The following C1QTNF3 variants were observed in gnomAD, a reference collection of about 807,000 sequenced individuals.
C1QTNF3 encodes complement C1q tumor necrosis factor-related protein 3.
Under a neutral mutation model 32.6 loss-of-function variants are expected in C1QTNF3, and 26 were observed. The ratio of observed to expected loss-of-function variants is 0.80; its 90% CI spans 0.58 to 1.11. The LOEUF is 1.11. C1QTNF3 is among the 50% of genes least tolerant of loss of function. The probability of loss-of-function intolerance (pLI) is 0.00; values close to 1 mark genes in which losing one functional copy is unlikely to be tolerated. For synonymous variants in C1QTNF3, 155 were observed against 146.0 expected, an observed-to-expected ratio of 1.06 and a Z score of -0.44; for missense variants, 362 against 398.2, an observed-to-expected ratio of 0.91 and a Z score of 0.77.
the C1QTNF3 span, among the ~76,000 whole-genome samples, chr5:34,208,020 G>A: frequency 6.6e-6 from 1 of 152,136 alleles, no homozygotes; most frequent in Non-Finnish European, 1.5e-5. Context: ...TCAATCACCT[G>A]ACCTCGTGAT....
chr5:34,048,990 A>T, the C1QTNF3 span, among the ~76,000 whole-genome samples: 4 of 152,286 alleles, frequency 2.6e-5, no homozygotes, highest in South Asian at 8.3e-4. Context: ...GATCACTTCC[A>T]TCTTTCCTAA....
intron 1 of C1QTNF3, among the ~76,000 whole-genome samples, chr5:34,036,883 C>T (rs548387075): frequency 3.9e-5 from 6 of 151,936 alleles, no homozygotes; most frequent in East Asian, 1.9e-4. Context: ...ACCCAGGAGG[C>T]GGAGGTTGCA....
the C1QTNF3 span, among the ~76,000 whole-genome samples, chr5:34,066,924 C>T: frequency 6.6e-6 from 1 of 152,104 alleles, no homozygotes; most frequent in Non-Finnish European, 1.5e-5. Flanking sequence ...CCTTATAAAA[C>T]TGAATGCTTT....
chr5:34,063,361 GTCTC>G, the C1QTNF3 span, among the ~76,000 whole-genome samples: 1 of 147,982 alleles, frequency 6.8e-6, no homozygotes, highest in Non-Finnish European at 1.5e-5. Flanking sequence ...CTCTGTCTCT[GTCTC>G]TCTCCTCTCT....
chr5:34,221,031 T>C, the C1QTNF3 span, among the ~76,000 whole-genome samples: 62 of 152,122 alleles, frequency 4.1e-4, no homozygotes, highest in Non-Finnish European at 8.1e-4. Flanking sequence ...CTTTGTAATA[T>C]TGCTCCTAGC....
chr5:34,044,715 A>ATGTG (rs112560789), upstream of C1QTNF3, among the ~76,000 whole-genome samples: 818 of 152,300 alleles, frequency 5.4e-3, 12 homozygotes, highest in African/African-American at 0.019. Flanking sequence ...TCCAGGCCAC[A>ATGTG]GTTCAGGGGC....
At chr5:34,049,229 T>C in the C1QTNF3 span, among the ~76,000 whole-genome samples, 5 of 152,178 alleles carry the variant, frequency 3.3e-5, no homozygotes, top group Admixed American at 6.5e-5. Context: ...CATTGTACCC[T>C]GGCAAAGGTA....
chr5:34,162,576 A>G, the C1QTNF3 span, among the ~76,000 whole-genome samples: 29 of 152,242 alleles, frequency 1.9e-4, no homozygotes, highest in Non-Finnish European at 3.4e-4. Context: ...TGAGATTTTA[A>G]ATGTATAGAA....
chr5:34,170,199 C>T, the C1QTNF3 span, among the ~76,000 whole-genome samples: 2 of 152,238 alleles, frequency 1.3e-5, no homozygotes, highest in Non-Finnish European at 2.9e-5. Context: ...ACAAATACTA[C>T]AGAATTCCAC....
chr5:34,238,355 G>C, the C1QTNF3 span, among the ~76,000 whole-genome samples: 85 of 152,282 alleles, frequency 5.6e-4, no homozygotes, highest in African/African-American at 1.9e-3. Context: ...ACATTAAGGA[G>C]AAAGTTGAAA....
the C1QTNF3 span, among the ~76,000 whole-genome samples, chr5:34,137,142 ATAATT>A: frequency 9.4e-6 from 1 of 106,056 alleles, no homozygotes; most frequent in African/African-American, 3.2e-5. Flanking sequence ...AACTTAAAGT[ATAATT>A]AAAAAAAAAA....
the C1QTNF3 span, among the ~76,000 whole-genome samples, chr5:34,048,401 C>T: frequency 1.3e-5 from 2 of 151,722 alleles, no homozygotes; most frequent in Non-Finnish European, 1.5e-5. Context: ...AGAAACCACA[C>T]TAGATATTTT....
chr5:34,220,414 C>G, the C1QTNF3 span, among the ~76,000 whole-genome samples: 1 of 151,630 alleles, frequency 6.6e-6, no homozygotes, highest in Non-Finnish European at 1.5e-5. Flanking sequence ...TCTATTTCAC[C>G]CAGTTCCAGA....
chr5:34,026,841 T>C (rs1004078330), intron 4 of C1QTNF3, among the ~76,000 whole-genome samples: 4 of 152,212 alleles, frequency 2.6e-5, no homozygotes, highest in African/African-American at 7.2e-5. Context: ...AATGTTGTCA[T>C]GTAGTAGATG....
chr5:34,062,784 G>A, the C1QTNF3 span, among the ~76,000 whole-genome samples: 1 of 152,194 alleles, frequency 6.6e-6, no homozygotes. Flanking sequence ...GGAATTTTCA[G>A]TGGCTAATGT....
chr5:34,237,626 G>A, the C1QTNF3 span, among the ~76,000 whole-genome samples: 14 of 152,196 alleles, frequency 9.2e-5, no homozygotes, highest in African/African-American at 3.4e-4. Flanking sequence ...CCAAATTATG[G>A]AGTAAACCAC....
At chr5:34,201,003 T>C in the C1QTNF3 span, 123 of 152,174 alleles carry the variant, frequency 8.1e-4, 1 homozygote, top group Non-Finnish European at 1.0e-4. Flanking sequence ...GGCAAGAATC[T>C]CTTTGTCTTT....
the C1QTNF3 span, among the ~76,000 whole-genome samples, chr5:34,111,678 G>A: frequency 6.6e-6 from 1 of 151,628 alleles, no homozygotes; most frequent in African/African-American, 2.4e-5. Flanking sequence ...ACTGAAGAGT[G>A]TTTTCTGCTT....
the C1QTNF3 span, among the ~76,000 whole-genome samples, chr5:34,236,884 T>C: frequency 6.6e-6 from 1 of 152,256 alleles, no homozygotes; most frequent in Admixed American, 6.5e-5. Context: ...CCAGTTAATT[T>C]TTCTATTAAC....
Sources: gnomAD v4.1 joint callset for allele counts (sites outside exome capture counted in the v4.1 genomes callset) on GRCh38, gnomAD v4.1.1 for gene constraint, MANE v1.5 for transcripts, NCBI Gene and HGNC (gene_info 2026-07-23, HGNC 2026-07-21) for gene names.